MRTFA: variants seen among roughly 807,000 people sequenced by gnomAD.
MRTFA encodes the protein myocardin related transcription factor A, also known as myocardin-related transcription factor A.
MRTFA carries 20 observed loss-of-function variants against 83.5 expected under a neutral mutation model. The ratio of observed to expected loss-of-function variants is 0.24; its 90% CI spans 0.17 to 0.35. The LOEUF (loss-of-function observed/expected upper bound fraction) is 0.35. Among genes scored for constraint, MRTFA ranks in the 10% least tolerant of loss-of-function variants. MRTFA has a pLI of 1.00. For synonymous variants in MRTFA, 659 were observed against 541.2 expected, an observed-to-expected ratio of 1.22 and a Z score of -3.02; for missense variants, 1,200 against 1,224.7, an observed-to-expected ratio of 0.98 and a Z score of 0.30.
chr22:40,633,597 AC>A (rs1248079355), intron 1 of MRTFA, among the ~76,000 whole-genome samples: 3 of 151,976 alleles, frequency 2.0e-5, no homozygotes, highest in Non-Finnish European at 4.4e-5. Context: ...ATATCAATGT[AC>A]TCCATTTTTA....
intron 2 of MRTFA, among the ~76,000 whole-genome samples, chr22:40,589,788 G>A (rs1327108246): frequency 6.6e-6 from 1 of 152,100 alleles, no homozygotes; most frequent in Admixed American, 6.5e-5. Context: ...CAGCACTTTG[G>A]GAGGCCGAGG....
chr22:40,455,947 T>C (rs1185327887), intron 4 of MRTFA, among the ~76,000 whole-genome samples: 2 of 152,048 alleles, frequency 1.3e-5, no homozygotes, highest in Non-Finnish European at 2.9e-5. Context: ...GCCTCCCAAG[T>C]AGCTGGGACT....
chr22:40,479,308 C>G (rs753404840), intron 3 of MRTFA, among the ~76,000 whole-genome samples: 2 of 152,066 alleles, frequency 1.3e-5, no homozygotes, highest in Non-Finnish European at 2.9e-5. Context: ...AACCAGCCTT[C>G]CCCACTCACT....
intron 3 of MRTFA, among the ~76,000 whole-genome samples, chr22:40,494,995 A>C (rs2054327632): frequency 6.6e-6 from 1 of 152,148 alleles, no homozygotes; most frequent in African/African-American, 2.4e-5. Flanking sequence ...CTGTACCCCT[A>C]AAAAAGTGAC....
At chr22:40,586,955 T>G in intron 2 of MRTFA, 1 of 449,770 alleles carries the variant, frequency 2.2e-6, no homozygotes, top group South Asian at 1.6e-5. Context: ...CCGCCGCCGC[T>G]GCCTTATCCA....
At chr22:40,488,373 T>C (rs1385524635) in intron 3 of MRTFA, among the ~76,000 whole-genome samples, 1 of 152,196 alleles carries the variant, frequency 6.6e-6, no homozygotes, top group Non-Finnish European at 1.5e-5. Context: ...CTATCAGACA[T>C]GGCAGCCACT....
rs534438157 is a variant in MRTFA, at chr22:40,417,481, G to A, written c.2377C>T (p.Pro793Ser). ...GAGGGGGCAGGCGCTGGAGAGCCAG[G>A]CTGGGACGAGGGCTGGACAGGAGAG... is the stretch of plus-strand genomic sequence containing the variant. Residue 793 changes from proline to serine, a missense_variant, in exon 13 of 15, where the codon CCT becomes TCT. This residue lies in a region of MRTFA where 1,107 missense variants were observed against 1,041.8 expected (regional missense o/e 1.06). Coordinates refer to ENST00000355630, the MANE Select transcript of MRTFA (RefSeq NM_020831.6). 6 of 1,569,206 alleles carry A rather than the reference G, an allele frequency of 3.8e-6. No individual in the cohort carries two copies. The highest frequency in any genetic ancestry group is 3.4e-5 in the South Asian group (3 of 87,684).
chr22:40,440,890 A>G (rs774999676), intron 4 of MRTFA, among the ~76,000 whole-genome samples: 3 of 152,164 alleles, frequency 2.0e-5, no homozygotes, highest in Non-Finnish European at 4.4e-5. Flanking sequence ...CCAATTGAAG[A>G]AAAAAAGGAC....
intron 3 of MRTFA, among the ~76,000 whole-genome samples, chr22:40,488,158 G>A (rs1411244589): frequency 6.6e-6 from 1 of 152,214 alleles, no homozygotes; most frequent in East Asian, 1.9e-4. Context: ...GATTAGGTAA[G>A]CTTCACAGGG....
At chr22:40,573,455 A>G (rs1350490572) in intron 2 of MRTFA, among the ~76,000 whole-genome samples, 2 of 152,128 alleles carry the variant, frequency 1.3e-5, no homozygotes, top group Non-Finnish European at 2.9e-5. Context: ...GGGTTTTACC[A>G]TGTTGGCCAG....
chr22:40,513,205 T>C lies in MRTFA; in HGVS notation c.241+38901A>G, dbSNP rs561283926. Among the ~76,000 whole-genome samples the C allele has an allele frequency of 7.9e-5, 12 of 152,298 alleles. No individual in the cohort carries two copies. The South Asian group carries it at 2.5e-3, about 32-fold the overall frequency. On this transcript the variant is annotated intron_variant, in intron 3 of 14. Transcript: ENST00000355630. Reference sequence around the variant, plus strand: ...AAATCTCTCACAAAAAGTGTCAATCTTAGAAACCTTAGAAGTATTCTGAGA... The same window carrying C: ...AAATCTCTCACAAAAAGTGTCAATCCTAGAAACCTTAGAAGTATTCTGAGA...
chr22:40,522,827 C>T (rs1051724658), intron 3 of MRTFA: 3 of 152,132 alleles, frequency 2.0e-5, no homozygotes, highest in Non-Finnish European at 4.4e-5. Flanking sequence ...TGCCTAGCCA[C>T]AGGTATGTTC....
intron 4 of MRTFA, among the ~76,000 whole-genome samples, chr22:40,446,258 C>A (rs868646400): frequency 4.6e-5 from 7 of 152,326 alleles, no homozygotes; most frequent in Middle Eastern, 3.4e-3. Flanking sequence ...CTTGTCTGAA[C>A]TGATTTTTAC....
chr22:40,587,576 G>T, intron 2 of MRTFA: 1 of 312,816 alleles, frequency 3.2e-6, no homozygotes, highest in South Asian at 3.2e-5. Context: ...TTAATATGAT[G>T]ACCTGTAGAC....
chr22:40,593,384 C>A (rs1159187671), intron 2 of MRTFA, among the ~76,000 whole-genome samples: 1 of 152,158 alleles, frequency 6.6e-6, no homozygotes, highest in Non-Finnish European at 1.5e-5. Context: ...TGAAAATTTA[C>A]AGTACAATGC....
At position 40,411,339 on chromosome 22, in the gene MRTFA, T is replaced by C. The variant is rs1032347198; in HGVS notation, c.*51A>G. The C allele has an allele frequency of 4.0e-6, 6 of 1,506,620 alleles. No homozygotes were observed. Among genetic ancestry groups the C allele is most frequent in the Non-Finnish European group, 5.4e-6 (6 of 1,120,514 alleles). The allele number at this position is 1,506,620 out of a possible 1,614,324, so 93.3% of individuals were successfully genotyped here. On this transcript the variant is annotated 3_prime_UTR_variant, in exon 15 of 15. Transcript: ENST00000355630. ...CGAATCACGCAGGAGAGCCACGCAT[T>C]GGAGTACCCTGGCTCCCAGCCCCTT...
intron 3 of MRTFA, among the ~76,000 whole-genome samples, chr22:40,521,380 T>C (rs1330309972): frequency 2.0e-5 from 3 of 152,192 alleles, no homozygotes; most frequent in Non-Finnish European, 4.4e-5. Flanking sequence ...CATTTTAGGA[T>C]TGGCTTTTTT....
intron 4 of MRTFA, among the ~76,000 whole-genome samples, chr22:40,438,272 T>C (rs748422417): frequency 7.2e-5 from 11 of 152,214 alleles, no homozygotes; most frequent in Non-Finnish European, 1.3e-4. Context: ...AAATGGTATA[T>C]GTGTCGATAT....
rs188140252 is a variant in MRTFA, at chr22:40,459,846, T to C, written c.307+3375A>G. Among the ~76,000 whole-genome samples the C allele has an allele frequency of 5.0e-5, 7 of 138,752 alleles. No individual in the cohort carries two copies. In the East Asian group the frequency reaches 6.5e-4, roughly 13 times the overall value. The allele number at this position is 138,752 out of a possible 152,430, so 91.0% of individuals were successfully genotyped here. ...ACATATATACATATATATATATATATATATATATATATATATACACACATG... is the reference window on the plus strand; with the variant it reads ...ACATATATACATATATATATATATACATATATATATATATATACACACATG... On this transcript the variant is annotated intron_variant, in intron 4 of 14. Coordinates refer to ENST00000355630, the MANE Select transcript of MRTFA (RefSeq NM_020831.6).
Sources: gnomAD v4.1 joint callset for allele counts (sites outside exome capture counted in the v4.1 genomes callset) on GRCh38, gnomAD v4.1.1 for gene constraint, gnomAD v4.1.1 regional missense constraint, MANE v1.5 for transcripts, NCBI Gene and HGNC (gene_info 2026-07-23, HGNC 2026-07-21) for gene names.